The following ERN1 variants were observed in gnomAD, a reference collection of about 807,000 sequenced individuals.
The protein encoded by ERN1 is serine/threonine-protein kinase/endoribonuclease IRE1.
In ERN1, 39 loss-of-function variants were observed where a neutral mutation model predicts 113.1. That is an observed-to-expected ratio of 0.34 (90% CI 0.27 to 0.45). The LOEUF is 0.45. Ranked by LOEUF, ERN1 falls within the 20% of genes least tolerant of loss-of-function variation. The pLI is 1.00. For synonymous variants in ERN1, 507 were observed against 515.9 expected, an observed-to-expected ratio of 0.98 and a Z score of 0.23; for missense variants, 976 against 1,274.8, an observed-to-expected ratio of 0.77 and a Z score of 3.57.
chr17:64,062,470 G>A (rs1286713887), intron 10 of ERN1, among the ~76,000 whole-genome samples: 3 of 152,254 alleles, frequency 2.0e-5, no homozygotes, highest in African/African-American at 7.2e-5. Context: ...AGCTTTGGAG[G>A]TCCTCAGAAG....
At chr17:64,107,224 A>G (rs1348885967) in intron 1 of ERN1, among the ~76,000 whole-genome samples, 4 of 152,220 alleles carry the variant, frequency 2.6e-5, no homozygotes, top group African/African-American at 9.6e-5. Flanking sequence ...TAAAAGCCTC[A>G]CAATGATCAG....
intron 4 of ERN1, among the ~76,000 whole-genome samples, chr17:64,076,660 C>A (rs538269852): frequency 1.9e-4 from 28 of 151,330 alleles, no homozygotes; most frequent in African/African-American, 6.8e-4. Flanking sequence ...AGTGCAGTGG[C>A]GTGATCTCGG....
At position 64,094,939 on chromosome 17, in the gene ERN1, A is replaced by C. The variant is rs1598076008; in HGVS notation, c.175+3182T>G. ...TCAGGACCTAGAGTAGCATCTGGAT[A>C]CCTTTATCATTTATCTATATTTAAC... On this transcript the variant is annotated intron_variant, in intron 2 of 21. Coordinates refer to ENST00000433197, the MANE Select transcript of ERN1 (RefSeq NM_001433.5). 3.9e-5 allele frequency among the ~76,000 whole-genome samples: 6 copies of C among 152,262 alleles called. 1 individual carries two copies. The highest frequency in any genetic ancestry group is 3.9e-4 in the Admixed American group (6 of 15,298).
At chr17:64,067,560 A>C (rs1913272895) in intron 7 of ERN1, among the ~76,000 whole-genome samples, 2 of 151,572 alleles carry the variant, frequency 1.3e-5, no homozygotes, top group Non-Finnish European at 2.9e-5. Flanking sequence ...GTGAGCCCTG[A>C]CTGCACTCCT....
At chr17:64,081,330 T>C (rs1412909388) in intron 2 of ERN1, among the ~76,000 whole-genome samples, 2 of 152,246 alleles carry the variant, frequency 1.3e-5, no homozygotes, top group Non-Finnish European at 2.9e-5. Flanking sequence ...CAAGTGTTCA[T>C]TCCCTTTGGC....
In ERN1 at chr17:64,066,766, G is replaced by A. The variant is rs746472253; in HGVS notation, c.747C>T (p.Thr249=). Residue 249 remains threonine, a synonymous_variant, in exon 8 of 22, where the codon ACC becomes ACT. Transcript: ENST00000433197. ...CAGACATGAAGGTCAGATAGCGCAGGGTCTCCACAGCGACATTGATGTGCA... is the reference window on the plus strand; with the variant it reads ...CAGACATGAAGGTCAGATAGCGCAGAGTCTCCACAGCGACATTGATGTGCA... ...KVMHINVAVE[T]LRYLTFMSGE... 1.2e-6 allele frequency: 2 copies of A among 1,613,860 alleles called. No individual in the cohort carries two copies. Among genetic ancestry groups the A allele is most frequent in the Non-Finnish European group, 1.7e-6 (2 of 1,179,856 alleles).
At chr17:64,079,763 T>G in intron 3 of ERN1, 29 bp from the exon 4 acceptor site, 1 of 1,573,422 alleles carries the variant, frequency 6.4e-7, no homozygotes, top group Non-Finnish European at 8.7e-7. Flanking sequence ...ATATCAAAGA[T>G]AAATTACAGC....
At chr17:64,075,826 C>T (rs1342129320) in intron 4 of ERN1, among the ~76,000 whole-genome samples, 1 of 152,208 alleles carries the variant, frequency 6.6e-6, no homozygotes, top group Non-Finnish European at 1.5e-5. Context: ...CCAGAGCTGG[C>T]TAGACTGAGT....
intron 1 of ERN1, among the ~76,000 whole-genome samples, chr17:64,114,636 C>T (rs1216279547): frequency 6.6e-6 from 1 of 151,994 alleles, no homozygotes; most frequent in Non-Finnish European, 1.5e-5. Flanking sequence ...CTTTTTTTTA[C>T]GTGTCTTATT....
chr17:64,122,992 C>T (rs1482149109), intron 1 of ERN1, among the ~76,000 whole-genome samples: 3 of 152,050 alleles, frequency 2.0e-5, no homozygotes, highest in African/African-American at 4.8e-5. Flanking sequence ...AAATAAAACA[C>T]CACAGATATT....
In ERN1 at chr17:64,065,356, A is replaced by C. The variant is rs1378967054; in HGVS notation, c.843-69T>G. 5 of 1,141,308 alleles carry C rather than the reference A, an allele frequency of 4.4e-6. No homozygotes were observed. The African/African-American group carries it at 6.1e-5, about 14-fold the overall frequency. 70.7% of individuals were successfully genotyped at this position (1,141,308 alleles called of 1,614,324 possible). A position where few individuals can be genotyped will look rare whatever the true frequency, so the allele number is the denominator to read the frequency against. ...CCAGATCCCACAGAAGGGAGTAATC[A>C]TCACCCCAAATACCACCCGCAGGGA... is the stretch of plus-strand genomic sequence containing the variant. On this transcript the variant is annotated intron_variant, in intron 8 of 21. Transcript: ENST00000433197.
chr17:64,120,313 A>G (rs913929867), intron 1 of ERN1, among the ~76,000 whole-genome samples: 7 of 152,146 alleles, frequency 4.6e-5, no homozygotes, highest in African/African-American at 1.7e-4. Flanking sequence ...GATCTGATTT[A>G]CCTTGGTCAA....
intron 7 of ERN1, 195 bp from the exon 8 acceptor site, chr17:64,067,127 G>A (rs572528833): frequency 1.6e-6 from 1 of 622,328 alleles, no homozygotes; most frequent in Admixed American, 3.0e-5. Flanking sequence ...ACTGAGAGCT[G>A]GCTGGCGTAT....
Position 64,078,867 on chromosome 17 carries a change from G to C in ERN1, c.282+795C>G, listed in dbSNP as rs1374790529. On this transcript the variant is annotated intron_variant, in intron 4 of 21. Transcript: ENST00000433197. ...CAAAAATACAAAAAATTAGCTGGGC[G>C]TGGAGATGTACACCTGTGGTCCCAG... 2.6e-5 allele frequency among the ~76,000 whole-genome samples: 4 copies of C among 152,130 alleles called. No individual in the cohort carries two copies. The East Asian group carries it at 7.7e-4, about 29-fold the overall frequency.
intron 1 of ERN1, 123 bp downstream of exon 1, chr17:64,129,852 CG>C: frequency 1.1e-6 from 1 of 909,436 alleles, no homozygotes; most frequent in Non-Finnish European, 1.5e-6. Context: ...GCTGGGCTCA[CG>C]GGGCATCTGG....
At chr17:64,116,367 G>C (rs1341808200) in intron 1 of ERN1, among the ~76,000 whole-genome samples, 1 of 152,166 alleles carries the variant, frequency 6.6e-6, no homozygotes, top group African/African-American at 2.4e-5. Context: ...TTGGTTCCCA[G>C]TTAGTCGAGC....
intron 9 of ERN1, 75 bp downstream of exon 9, chr17:64,065,134 G>T: frequency 1.0e-6 from 1 of 987,294 alleles, no homozygotes; most frequent in Non-Finnish European, 1.5e-6. Flanking sequence ...GGATGCTCAT[G>T]CATAGCAAAG....
chr17:64,079,635 G>A, intron 4 of ERN1, 27 bp downstream of exon 4: 3 of 1,585,748 alleles, frequency 1.9e-6, no homozygotes, highest in Non-Finnish European at 2.6e-6. Flanking sequence ...AACCCCTGGA[G>A]TACAAAAAGC....
rs1431612578 is a variant in ERN1 at position 64,127,754 on chromosome 17, T to C, written c.54+2222A>G. On this transcript the variant is annotated intron_variant, in intron 1 of 21. Coordinates refer to ENST00000433197, the MANE Select transcript of ERN1 (RefSeq NM_001433.5). ...GGGCAACAAGAGCGAAGAAACTCCA[T>C]ATCAAAAAAAAAAAAAAAAAGAAGT... is the stretch of plus-strand genomic sequence containing the variant. Among the ~76,000 whole-genome samples the C allele has an allele frequency of 2.6e-5, 3 of 113,638 alleles. No individual in the cohort carries two copies. The East Asian group carries it at 6.9e-4, about 26-fold the overall frequency. 74.6% of individuals were successfully genotyped at this position (113,638 alleles called of 152,430 possible).
Sources: allele counts gnomAD v4.1 joint callset (sites outside exome capture counted in the v4.1 genomes callset), GRCh38; gene constraint gnomAD v4.1.1; transcripts MANE v1.5; gene names NCBI Gene and HGNC (gene_info 2026-07-23, HGNC 2026-07-21).